The following SLC5A7 variants were observed in gnomAD, a reference collection of about 807,000 sequenced individuals.
The protein encoded by SLC5A7 is solute carrier family 5 member 7.
In SLC5A7, 19 loss-of-function variants were observed where a neutral mutation model predicts 55.4. That is an observed-to-expected ratio of 0.34 (90% CI 0.24 to 0.50). The LOEUF (loss-of-function observed/expected upper bound fraction) is 0.50. SLC5A7 is among the 20% of genes least tolerant of loss of function. The pLI is 0.98. For synonymous variants in SLC5A7, 265 were observed against 263.7 expected, an observed-to-expected ratio of 1.00 and a Z score of -0.05; for missense variants, 506 against 705.3, an observed-to-expected ratio of 0.72 and a Z score of 3.20.
At chr2:108,006,835 T>A (rs1235799618) in intron 7 of SLC5A7, among the ~76,000 whole-genome samples, 2 of 152,188 alleles carry the variant, frequency 1.3e-5, no homozygotes, top group East Asian at 1.9e-4. Flanking sequence ...CCTCATGACC[T>A]CCCTAAAGAT....
Position 108,006,215 on chromosome 2 carries a change from C to A in SLC5A7, c.895+13C>A. Reference sequence around the variant, plus strand: ...GGAGCATCAACAGGTAAATCTCTTGCAGCTTCACCACATGTGCCAGTTAGT... The same window carrying A: ...GGAGCATCAACAGGTAAATCTCTTGAAGCTTCACCACATGTGCCAGTTAGT... On this transcript the variant is annotated intron_variant, in intron 7 of 8. Transcript: ENST00000264047. The A allele has an allele frequency of 6.2e-7, 1 of 1,613,456 alleles. No individual in the cohort carries two copies. The highest frequency in any genetic ancestry group is 8.5e-7 in the Non-Finnish European group (1 of 1,179,716).
intron 6 of SLC5A7, among the ~76,000 whole-genome samples, chr2:108,003,504 G>T (rs1242873629): frequency 6.6e-6 from 1 of 152,176 alleles, no homozygotes; most frequent in African/African-American, 2.4e-5. Context: ...ATAAATGAAT[G>T]AACTATAGAA....
At chr2:108,001,490 G>A (rs181654087) in intron 5 of SLC5A7, among the ~76,000 whole-genome samples, 3,545 of 151,402 alleles carry the variant, frequency 0.023, 125 homozygotes, top group African/African-American at 0.082. Flanking sequence ...CGGCTATAAC[G>A]GTGAAACCCC....
intron 7 of SLC5A7, among the ~76,000 whole-genome samples, chr2:108,006,716 T>A (rs866241699): frequency 6.6e-6 from 1 of 152,148 alleles, no homozygotes; most frequent in African/African-American, 2.4e-5. Context: ...CACAGGAATT[T>A]TATTTTAATA....
chr2:108,009,891 C>T (rs150260517), intron 8 of SLC5A7, among the ~76,000 whole-genome samples: 11 of 152,242 alleles, frequency 7.2e-5, no homozygotes, highest in African/African-American at 2.6e-4. Flanking sequence ...AAGAACTGTT[C>T]CCTAATATGT....
At chr2:107,998,036 T>G (rs1016875174) in intron 5 of SLC5A7, 50 bp downstream of exon 5, 3 of 1,557,948 alleles carry the variant, frequency 1.9e-6, no homozygotes, top group South Asian at 2.4e-5. Flanking sequence ...TAAAAGGTAA[T>G]GTATTTTATA....
At position 108,011,917 on chromosome 2, in the gene SLC5A7, G is replaced by C. The variant is rs1038061125; in HGVS notation, c.*1056G>C. ...CTAATTTTTAGATATTCATTAATAG[G>C]AAAGATTTAATGTTACAGCATCTAC... On this transcript the variant is annotated 3_prime_UTR_variant, in exon 9 of 9. Coordinates refer to ENST00000264047, the MANE Select transcript of SLC5A7 (RefSeq NM_021815.5). 9.8e-5 allele frequency: 15 copies of C among 152,474 alleles called. No individual in the cohort carries two copies. The highest frequency in any genetic ancestry group is 7.2e-4 in the Admixed American group (11 of 15,266). 9.4% of individuals were successfully genotyped at this position (152,474 alleles called of 1,614,324 possible). A position where few individuals can be genotyped will look rare whatever the true frequency, so the allele number is the denominator to read the frequency against.
chr2:107,992,478 A>T (rs1312232542), intron 3 of SLC5A7, among the ~76,000 whole-genome samples: 1 of 152,196 alleles, frequency 6.6e-6, no homozygotes, highest in Admixed American at 6.6e-5. Context: ...TAACATAATC[A>T]TGTTTTATTT....
chr2:108,010,639 G>A lies in SLC5A7; in HGVS notation c.1521G>A (p.Leu507=), dbSNP rs780537775. The change falls in exon 9 of 9, where the codon TTG becomes TTA. Residue 507 remains leucine (L), a synonymous_variant. Coordinates refer to ENST00000264047, the MANE Select transcript of SLC5A7 (RefSeq NM_021815.5). ...AGTATCTATTTGAAAGTGGAACCTT[G>A]CCACCTAAATTAGATGTATTTGATG... The part of the protein sequence containing the change: ...LAKYLFESGT[L]PPKLDVFDAV... 5 of 1,613,918 alleles carry A rather than the reference G, an allele frequency of 3.1e-6. No individual in the cohort carries two copies. In the South Asian group the frequency reaches 4.4e-5, roughly 14 times the overall value.
intron 1 of SLC5A7, among the ~76,000 whole-genome samples, chr2:107,987,435 CGAA>C (rs919172332): frequency 1.6e-4 from 24 of 151,872 alleles, no homozygotes; most frequent in African/African-American, 5.3e-4. Flanking sequence ...GGATATTGGG[CGAA>C]GAAGATCAAG....
At chr2:108,008,726 T>G (rs757034619) in intron 8 of SLC5A7, 44 bp downstream of exon 8, 3 of 1,489,554 alleles carry the variant, frequency 2.0e-6, no homozygotes, top group Admixed American at 1.7e-5. Context: ...AGCATTGCTC[T>G]TGCTGCTTCT....
At chr2:107,998,353 C>T (rs546544798) in intron 5 of SLC5A7, among the ~76,000 whole-genome samples, 2 of 152,228 alleles carry the variant, frequency 1.3e-5, no homozygotes, top group Non-Finnish European at 2.9e-5. Context: ...TCTCCCTTTA[C>T]GTTAGTTGGT....
chr2:107,995,935 C>A (rs1449144837), intron 4 of SLC5A7, among the ~76,000 whole-genome samples: 2 of 152,156 alleles, frequency 1.3e-5, no homozygotes, highest in Middle Eastern at 3.4e-3. Context: ...GTTTTACTTA[C>A]AATTGATTTA....
rs955052753 is a variant in SLC5A7, at chr2:108,011,754, A to G, written c.*893A>G. 2.6e-5 allele frequency: 4 copies of G among 152,162 alleles called. No homozygotes were observed. Among genetic ancestry groups the G allele is most frequent in the Non-Finnish European group, 4.4e-5 (3 of 68,024 alleles). 9.4% of individuals were successfully genotyped at this position (152,162 alleles called of 1,614,324 possible). On this transcript the variant is annotated 3_prime_UTR_variant, in exon 9 of 9. Transcript: ENST00000264047. The stretch of plus-strand genomic sequence containing the variant: ...TGGAAGTGAAATTAGGCCTTATGTA[A>G]GGAGAGGTAGCTACACAGCATCTGT...
chr2:108,000,615 G>A (rs532982028), intron 5 of SLC5A7, among the ~76,000 whole-genome samples: 5 of 151,944 alleles, frequency 3.3e-5, no homozygotes, highest in East Asian at 3.9e-4. Context: ...TTTCTTTTGC[G>A]ACAGGATCTG....
At chr2:107,998,926 GAAATTAAA>G (rs1437314471) in intron 5 of SLC5A7, among the ~76,000 whole-genome samples, 3 of 152,092 alleles carry the variant, frequency 2.0e-5, no homozygotes, top group Non-Finnish European at 4.4e-5. Context: ...TAGACACTTA[GAAATTAAA>G]AATGAAGAAG....
At chr2:107,987,923 A>T (rs903335019) in intron 1 of SLC5A7, among the ~76,000 whole-genome samples, 182 bp from the exon 2 acceptor site, 1 of 152,226 alleles carries the variant, frequency 6.6e-6, no homozygotes, top group Non-Finnish European at 1.5e-5. Context: ...TTAAATTGTT[A>T]AATAGAAGTA....
chr2:107,999,581 T>C (rs1677806606), intron 5 of SLC5A7, among the ~76,000 whole-genome samples: 1 of 152,222 alleles, frequency 6.6e-6, no homozygotes, highest in Non-Finnish European at 1.5e-5. Context: ...GAAGGCCCTA[T>C]TGAATTGGTT....
rs147077458 is a variant in SLC5A7, at chr2:108,011,229, CTT to C, written c.*370_*371del. ...GGAAATTGGACAGTTTTGATACAAACTTTGTTTGCTAATGCACTGATGAGTCT... is the reference window on the plus strand; with the variant it reads ...GGAAATTGGACAGTTTTGATACAAACTGTTTGCTAATGCACTGATGAGTCT... On this transcript the variant is annotated 3_prime_UTR_variant, in exon 9 of 9. Coordinates refer to ENST00000264047, the MANE Select transcript of SLC5A7 (RefSeq NM_021815.5). The C allele has an allele frequency of 7.5e-3, 1,227 of 164,552 alleles. 18 individuals are homozygous for C. Among genetic ancestry groups the C allele is most frequent in the African/African-American group, 0.027 (1,130 of 41,924 alleles). 10.2% of individuals were successfully genotyped at this position (164,552 alleles called of 1,614,324 possible).
Sources: allele counts gnomAD v4.1 joint callset (sites outside exome capture counted in the v4.1 genomes callset), GRCh38; gene constraint gnomAD v4.1.1; transcripts MANE v1.5; gene names NCBI Gene and HGNC (gene_info 2026-07-23, HGNC 2026-07-21).